TOP1MT: variants seen among roughly 807,000 people sequenced by gnomAD.
The protein encoded by TOP1MT is DNA topoisomerase I, mitochondrial.
Under a neutral mutation model 73.9 loss-of-function variants are expected in TOP1MT, and 80 were observed. The ratio of observed to expected loss-of-function variants is 1.08; its 90% CI spans 0.90 to 1.30. The LOEUF is 1.30. Among genes scored for constraint, TOP1MT ranks in the 50% most tolerant of loss-of-function variants. The pLI is 0.00. For missense variants in TOP1MT, 815 were observed against 808.0 expected (o/e 1.01, Z -0.10); for synonymous variants, 338 against 326.4 (o/e 1.04, Z -0.38).
Position 143,309,462 on chromosome 8 carries a change from T to A in TOP1MT, c.1785A>T (p.Ala595=), listed in dbSNP as rs1815941977. 1 of 1,613,830 alleles carries A rather than the reference T, an allele frequency of 6.2e-7. No homozygotes were observed. The highest frequency in any genetic ancestry group is 1.1e-5 in the South Asian group (1 of 91,090). ...RERFAWALAM[A]GEDFEF is the part of the protein sequence containing the mutation. ...GTCGTTAGAATTCAAAGTCTTCTCCTGCCATGGCGAGAGCCCAGGCGAACC... is the reference window on the plus strand; with the variant it reads ...GTCGTTAGAATTCAAAGTCTTCTCCAGCCATGGCGAGAGCCCAGGCGAACC... The change falls in exon 14 of 14, where the codon GCA becomes GCT. Residue 595 remains alanine, a synonymous_variant. Coordinates refer to ENST00000329245, the MANE Select transcript of TOP1MT (RefSeq NM_052963.3).
intron 2 of TOP1MT, among the ~76,000 whole-genome samples, chr8:143,342,364 GTTA>G (rs1318292444): frequency 7.9e-5 from 7 of 88,386 alleles, no homozygotes; most frequent in Middle Eastern, 0.01. Flanking sequence ...GTCTCGCTCT[GTTA>G]TTATTATTAG....
At chr8:143,317,078 C>T (rs1816186528) in intron 10 of TOP1MT, among the ~76,000 whole-genome samples, 2 of 152,248 alleles carry the variant, frequency 1.3e-5, no homozygotes, top group African/African-American at 4.8e-5. Flanking sequence ...CGCCCCTGAG[C>T]ACCCAGCCTC....
At chr8:143,317,321 C>T (rs1333341067) in intron 10 of TOP1MT, among the ~76,000 whole-genome samples, 2 of 152,130 alleles carry the variant, frequency 1.3e-5, no homozygotes, top group Non-Finnish European at 2.9e-5. Flanking sequence ...TGAGACAGGG[C>T]CGTGGACAGA....
At chr8:143,328,295 C>T (rs1816757530) in intron 3 of TOP1MT, 1 of 455,138 alleles carries the variant, frequency 2.2e-6, no homozygotes, top group Non-Finnish European at 4.4e-6. Context: ...ACATTCACAG[C>T]ATGTGCGTCT....
At chr8:143,345,241 C>G (rs1055214495), upstream of TOP1MT, among the ~76,000 whole-genome samples, 1 of 152,198 alleles carries the variant, frequency 6.6e-6, no homozygotes, top group Admixed American at 6.5e-5. Flanking sequence ...CCTCACTGGG[C>G]AGAGCCACGC....
chr8:143,356,860 G>A (rs565638938), upstream of TOP1MT, among the ~76,000 whole-genome samples: 4 of 150,488 alleles, frequency 2.7e-5, no homozygotes, highest in Admixed American at 1.3e-4. Flanking sequence ...TTGGGAGGCC[G>A]AGGAGGGTGG....
rs200378024 is a variant in TOP1MT, at chr8:143,317,727, C to T, written c.1326G>A (p.Thr442=). Residue 442 remains threonine (T), a synonymous_variant, in exon 10 of 14, where the codon ACG becomes ACA. Transcript: ENST00000329245. Reference sequence around the variant, plus strand: ...GTGGGTGTGGGGCAGGCTCACCGCGCGTCAGGGCCCGCAGCTGCTCCTGCA... The same window carrying T: ...GTGGGTGTGGGGCAGGCTCACCGCGTGTCAGGGCCCGCAGCTGCTCCTGCA... The part of the protein sequence containing the change: ...ITLQEQLRAL[T]RAEDSIAAKI... The T allele has an allele frequency of 6.7e-5, 108 of 1,613,244 alleles. 1 individual carries two copies. Among genetic ancestry groups the T allele is most frequent in the Middle Eastern group, 1.7e-4 (1 of 5,938 alleles).
At chr8:143,321,410 G>A (rs1035156389) in intron 7 of TOP1MT, 24 bp from the exon 8 acceptor site, 2 of 1,556,530 alleles carry the variant, frequency 1.3e-6, no homozygotes, top group Non-Finnish European at 1.7e-6. Context: ...AATGGTCAAA[G>A]TGGGTGGTGC....
At chr8:143,331,424 T>C (rs773130985) in intron 1 of TOP1MT, 85 bp from the exon 2 acceptor site, 49 of 1,197,076 alleles carry the variant, frequency 4.1e-5, no homozygotes, top group Middle Eastern at 2.0e-4. Flanking sequence ...CTCCTCCCTG[T>C]GGCTCCTAGC....
upstream of TOP1MT, among the ~76,000 whole-genome samples, chr8:143,338,492 G>A (rs533345270): frequency 7.6e-4 from 115 of 152,024 alleles, 1 homozygote; most frequent in Non-Finnish European, 1.1e-3. Context: ...ACTTGAACCC[G>A]GGAGGTGGAG....
At chr8:143,349,087 TCA>T (rs747246003), upstream of TOP1MT, among the ~76,000 whole-genome samples, 24 of 152,100 alleles carry the variant, frequency 1.6e-4, no homozygotes, top group Non-Finnish European at 3.1e-4. Flanking sequence ...TCTCAGCTCC[TCA>T]CCACAAAACT....
intron 1 of TOP1MT, among the ~76,000 whole-genome samples, chr8:143,333,329 T>C (rs1816910666): frequency 6.6e-6 from 1 of 152,098 alleles, no homozygotes; most frequent in African/African-American, 2.4e-5. Context: ...GTGCCTGTAA[T>C]CCCAGCTACT....
chr8:143,323,198 ACACACAGGCACGC>A (rs1338808626), intron 7 of TOP1MT, among the ~76,000 whole-genome samples: 10 of 109,038 alleles, frequency 9.2e-5, no homozygotes, highest in Non-Finnish European at 1.6e-4. Flanking sequence ...CACGCATGCC[ACACACAGGCACGC>A]CACACAGGCA....
intron 3 of TOP1MT, 53 bp from the exon 4 acceptor site, chr8:143,326,397 G>C: frequency 1.2e-6 from 2 of 1,607,064 alleles, no homozygotes; most frequent in African/African-American, 2.7e-5. Context: ...CAGACATGCA[G>C]AGCGCTCTCG....
upstream of TOP1MT, among the ~76,000 whole-genome samples, chr8:143,348,865 C>T (rs964915813): frequency 2.0e-5 from 3 of 152,196 alleles, no homozygotes; most frequent in African/African-American, 7.2e-5. The surrounding 1 kb of genome is among the most constrained non-coding windows in gnomAD (Gnocchi z 4.6). Context: ...GAGCCCAGCC[C>T]GGCCAGCGTA....
chr8:143,323,198 A>C (rs1816572696), intron 7 of TOP1MT, among the ~76,000 whole-genome samples: 1 of 109,002 alleles, frequency 9.2e-6, no homozygotes, highest in Non-Finnish European at 1.8e-5. Context: ...CACGCATGCC[A>C]CACACAGGCA....
At chr8:143,329,291 C>A in intron 3 of TOP1MT, 59 bp downstream of exon 3, 1 of 1,513,670 alleles carries the variant, frequency 6.6e-7, no homozygotes. Flanking sequence ...CACTGCAGAA[C>A]CGCAGACGCC....
chr8:143,338,287 G>T (rs992676748), upstream of TOP1MT, among the ~76,000 whole-genome samples: 1 of 151,714 alleles, frequency 6.6e-6, no homozygotes, highest in African/African-American at 2.4e-5. Context: ...TTTTTTTTTG[G>T]CTGGGCTTGG....
At position 143,315,984 on chromosome 8, in the gene TOP1MT, C is replaced by T. The variant is rs371977133; in HGVS notation, c.1458+15G>A. Reference sequence around the variant, plus strand: ...CCTTGAGGGCTGGGCTGGGGGCTCTCCTGGGAGCTGCTACCTTCGTCTGGA... The same window carrying T: ...CCTTGAGGGCTGGGCTGGGGGCTCTTCTGGGAGCTGCTACCTTCGTCTGGA... On this transcript the variant is annotated intron_variant, in intron 11 of 13. Transcript: ENST00000329245. The T allele has an allele frequency of 1.6e-5, 26 of 1,614,008 alleles. No homozygotes were observed. In the Admixed American group the frequency reaches 2.5e-4, roughly 16 times the overall value.
Sources: allele counts gnomAD v4.1 joint callset (sites outside exome capture counted in the v4.1 genomes callset), GRCh38; gene constraint gnomAD v4.1.1; non-coding constraint Gnocchi (gnomAD v3.1); transcripts MANE v1.5; gene names NCBI Gene and HGNC (gene_info 2026-07-23, HGNC 2026-07-21).